Variants in LCMT1 observed in about 807,000 individuals in gnomAD.
LCMT1 encodes [Phosphatase 2A protein]-leucine-carboxy methyltransferase 1.
Under a neutral mutation model 47.7 loss-of-function variants are expected in LCMT1, and 32 were observed. That is an observed-to-expected ratio of 0.67 (90% confidence interval 0.51 to 0.90). The LOEUF is 0.90. Ranked by LOEUF, LCMT1 falls within the 40% of genes least tolerant of loss-of-function variation. LCMT1 has a pLI of 0.00. For synonymous variants in LCMT1, 152 were observed against 149.7 expected (o/e 1.02, Z -0.11); for missense variants, 375 against 415.2 (o/e 0.90, Z 0.84).
chr16:25,174,894 C>T, intron 9 of LCMT1, 43 bp from the exon 10 acceptor site: 1 of 1,045,412 alleles, frequency 9.6e-7, no homozygotes, highest in Non-Finnish European at 1.4e-6. Context: ...TCTTCATTTT[C>T]AATGCAGACA....
At chr16:25,158,283 C>G (rs1297264924) in intron 5 of LCMT1, among the ~76,000 whole-genome samples, 2 of 152,238 alleles carry the variant, frequency 1.3e-5, no homozygotes, top group Non-Finnish European at 2.9e-5. Context: ...TCTCAAGTAG[C>G]TGGCATTACA....
rs140274229 is a variant in LCMT1 at position 25,130,775 on chromosome 16, A to G, written c.206-1627A>G. The stretch of plus-strand genomic sequence containing the variant: ...ACTTGTTCCAGAACATAGCTAGAAT[A>G]TGGTTTCAGATGCCTGCCCCTTAGA... On this transcript the variant is annotated intron_variant, in intron 2 of 10. Transcript: ENST00000399069. 2.4e-3 allele frequency among the ~76,000 whole-genome samples: 369 copies of G among 152,354 alleles called. 2 individuals are homozygous for G. Among genetic ancestry groups the G allele is most frequent in the African/African-American group, 8.6e-3 (356 of 41,568 alleles).
rs147299203 is a variant in LCMT1, at chr16:25,132,324, T to C, written c.206-78T>C. The C allele has an allele frequency of 2.2e-4, 343 of 1,561,930 alleles. 2 individuals carry two copies. In the African/African-American group the frequency reaches 4.2e-3, roughly 19 times the overall value. The stretch of plus-strand genomic sequence containing the variant: ...GCGCATGCTCTCTGTTTTGCTCTTC[T>C]CCTGGGGTGGGCTTCACAGGGATAA... On this transcript the variant is annotated intron_variant, in intron 2 of 10. Transcript: ENST00000399069.
Position 25,127,979 on chromosome 16 carries a change from A to G in LCMT1, c.114-496A>G, listed in dbSNP as rs549737236. 6.6e-5 allele frequency among the ~76,000 whole-genome samples: 10 copies of G among 152,332 alleles called. No individual in the cohort carries two copies. The East Asian group carries it at 1.5e-3, about 23-fold the overall frequency. The stretch of plus-strand genomic sequence containing the variant: ...TTCATTTCTTCCTAGTTTCCCCACT[A>G]TGACCTCCCTAAGAAGAGTGAAATG... On this transcript the variant is annotated intron_variant, in intron 1 of 10. Coordinates refer to ENST00000399069, the MANE Select transcript of LCMT1 (RefSeq NM_016309.3).
chr16:25,121,531 C>G (rs1403195443), intron 1 of LCMT1, among the ~76,000 whole-genome samples: 3 of 152,056 alleles, frequency 2.0e-5, no homozygotes, highest in Non-Finnish European at 4.4e-5. Flanking sequence ...TGTTCTCATA[C>G]TGCTATGAAG....
chr16:25,120,988 G>A (rs1448937567), intron 1 of LCMT1, among the ~76,000 whole-genome samples: 1 of 133,930 alleles, frequency 7.5e-6, no homozygotes, highest in East Asian at 2.2e-4. Context: ...TCAAACTCCT[G>A]GGCCTCAAGC....
chr16:25,140,420 C>T, intron 4 of LCMT1, 173 bp downstream of exon 4: 1 of 599,752 alleles, frequency 1.7e-6, no homozygotes, highest in Non-Finnish European at 3.0e-6. Context: ...CTACAGTCTG[C>T]AAAATGCAAT....
chr16:25,144,748 G>T (rs1257211594), intron 4 of LCMT1: 2 of 152,136 alleles, frequency 1.3e-5, no homozygotes, highest in Non-Finnish European at 2.9e-5. Flanking sequence ...GCAGGGCAGT[G>T]GCTGCCACTG....
At chr16:25,139,381 G>A (rs1181720149) in intron 3 of LCMT1, among the ~76,000 whole-genome samples, 1 of 151,976 alleles carries the variant, frequency 6.6e-6, no homozygotes, top group East Asian at 1.9e-4. Context: ...CAGAGGCTGG[G>A]CACCTGTAAT....
chr16:25,121,376 C>T (rs1959981927), intron 1 of LCMT1, among the ~76,000 whole-genome samples: 1 of 152,060 alleles, frequency 6.6e-6, no homozygotes, highest in African/African-American at 2.4e-5. Context: ...TGCCACTGCA[C>T]TCCAGCCTGG....
intron 4 of LCMT1, chr16:25,147,904 T>G (rs1960919575): frequency 6.6e-6 from 1 of 152,358 alleles, no homozygotes; most frequent in South Asian, 2.1e-4. Context: ...TTTCCCAGGC[T>G]GGAGTTTCTT....
chr16:25,140,427 C>G (rs1023661343), intron 4 of LCMT1, 180 bp downstream of exon 4: 2 of 594,496 alleles, frequency 3.4e-6, no homozygotes, highest in Non-Finnish European at 3.0e-6. Context: ...CTGCAAAATG[C>G]AATATACATT....
intron 9 of LCMT1, 36 bp from the exon 10 acceptor site, chr16:25,174,901 G>A (rs757678813): frequency 3.6e-6 from 4 of 1,116,382 alleles, no homozygotes; most frequent in Non-Finnish European, 5.2e-6. Flanking sequence ...TTTCAATGCA[G>A]ACACTTGCAT....
intron 1 of LCMT1, among the ~76,000 whole-genome samples, chr16:25,123,298 C>T (rs1185120644): frequency 7.0e-6 from 1 of 142,264 alleles, no homozygotes; most frequent in Non-Finnish European, 1.5e-5. Context: ...AATCTTGGCT[C>T]ACTGCAACCT....
At position 25,151,606 on chromosome 16, in the gene LCMT1, C is replaced by T; in HGVS notation, c.457C>T (p.Leu153Phe). 1 of 1,613,030 alleles carries T rather than the reference C, an allele frequency of 6.2e-7. No homozygotes were observed. The highest frequency in any genetic ancestry group is 1.1e-5 in the South Asian group (1 of 90,876). Residue 153 changes from leucine (L) to phenylalanine (F), a missense_variant, in exon 5 of 11, where the codon CTT (leucine) becomes TTT (phenylalanine). Leu to Phe is a conservative substitution (Grantham distance 22). Transcript: ENST00000399069. ...TCTAGAACTGCATTCAGAGGACACA[C>T]TTCAGATGGGCAAGTATCAAGCTAA... is the stretch of plus-strand genomic sequence containing the variant. Reference protein sequence around the residue: ...PILELHSEDTLQMDGHILDSK... With the variant: ...PILELHSEDTFQMDGHILDSK...
intron 3 of LCMT1, among the ~76,000 whole-genome samples, chr16:25,133,039 G>A (rs866138860): frequency 6.6e-6 from 1 of 151,998 alleles, no homozygotes; most frequent in African/African-American, 2.4e-5. Flanking sequence ...TTAAGTTTTT[G>A]TGTAGAGACA....
At chr16:25,176,323 C>A (rs767820092) in intron 10 of LCMT1, among the ~76,000 whole-genome samples, 8 of 152,044 alleles carry the variant, frequency 5.3e-5, no homozygotes, top group Admixed American at 3.3e-4. Flanking sequence ...TCAAGCTTCC[C>A]GCAGATGTAA....
chr16:25,157,855 C>T (rs556982011), intron 5 of LCMT1, among the ~76,000 whole-genome samples: 1 of 152,310 alleles, frequency 6.6e-6, no homozygotes, highest in East Asian at 1.9e-4. Flanking sequence ...TTTCTTGCTT[C>T]CCAGTAATTT....
intron 8 of LCMT1, 117 bp downstream of exon 8, chr16:25,169,330 A>T: frequency 1.3e-5 from 9 of 673,790 alleles, no homozygotes; most frequent in Non-Finnish European, 2.4e-5. Context: ...TCAGCAGCAC[A>T]GGCTGCTGAG....
Sources: gnomAD v4.1 joint callset for allele counts (sites outside exome capture counted in the v4.1 genomes callset) on GRCh38, gnomAD v4.1.1 for gene constraint, MANE v1.5 for transcripts, NCBI Gene and HGNC (gene_info 2026-07-23, HGNC 2026-07-21) for gene names.